Variants in SND1 observed in about 807,000 individuals in gnomAD.
SND1 encodes staphylococcal nuclease domain-containing protein 1.
A neutral mutation model predicts 121.7 loss-of-function variants in SND1; 38 were observed. That is an observed-to-expected ratio of 0.31 (90% CI 0.24 to 0.41). The LOEUF is 0.41. Among genes scored for constraint, SND1 ranks in the 10% least tolerant of loss-of-function variants. The pLI is 1.00. For synonymous variants in SND1, 401 were observed against 447.4 expected, an observed-to-expected ratio of 0.90 and a Z score of 1.31; for missense variants, 868 against 1,184.6, an observed-to-expected ratio of 0.73 and a Z score of 3.92.
At chr7:127,926,720 TTTGTTGTTGTTGTTGTTGTTG>T (rs57562959) in intron 14 of SND1, among the ~76,000 whole-genome samples, 1 of 142,760 alleles carries the variant, frequency 7.0e-6, no homozygotes, top group South Asian at 2.3e-4. Flanking sequence ...ACCCGGCTAT[TTTGTTGTTGTTGTTGTTGTTG>T]TTGTTGTTGT....
intron 9 of SND1, among the ~76,000 whole-genome samples, chr7:127,717,179 C>T (rs1351975378): frequency 3.3e-5 from 5 of 152,120 alleles, no homozygotes; most frequent in East Asian, 3.8e-4. Flanking sequence ...TAATATTTTA[C>T]GGGAGTATTG....
intron 12 of SND1, among the ~76,000 whole-genome samples, chr7:127,848,287 T>C (rs1427354169): frequency 6.6e-6 from 1 of 152,226 alleles, no homozygotes; most frequent in Non-Finnish European, 1.5e-5. Context: ...TGCTTGTATT[T>C]CAATGATATT....
intron 9 of SND1, among the ~76,000 whole-genome samples, chr7:127,708,214 G>T (rs559171090): frequency 5.5e-4 from 83 of 152,216 alleles, no homozygotes; most frequent in African/African-American, 2.0e-3. Flanking sequence ...TTTAAGGTAG[G>T]TTAGGCCAAG....
intron 12 of SND1, among the ~76,000 whole-genome samples, chr7:127,870,312 C>T (rs1159537473): frequency 6.6e-6 from 1 of 152,140 alleles, no homozygotes; most frequent in Admixed American, 6.5e-5. Flanking sequence ...GTTTTATTGA[C>T]ATATTGCTGC....
chr7:128,065,874 G>A (rs1365650757), intron 16 of SND1, among the ~76,000 whole-genome samples: 1 of 152,218 alleles, frequency 6.6e-6, no homozygotes, highest in East Asian at 1.9e-4. Flanking sequence ...TGGCTTGGGA[G>A]ACCTTTGGGA....
In SND1 at chr7:127,694,847, G is replaced by A; in HGVS notation, c.248G>A (p.Arg83Gln). Residue 83 changes from arginine to glutamine, a missense_variant, in exon 3 of 24, where the codon CGA becomes CAA. Around this residue, in one of 2 missense-constraint regions of SND1, gnomAD observed 743 missense variants for 1,071.3 expected, o/e 0.69. Coordinates refer to ENST00000354725, the MANE Select transcript of SND1 (RefSeq NM_014390.4). ...TPDEPWAFPA[R>Q]EFLRKKLIGK... ...TTTCAGCCCTGGGCATTTCCAGCTC[G>A]AGAGTTCCTTCGAAAGAAGCTGATT... The A allele has an allele frequency of 6.2e-7, 1 of 1,614,010 alleles. No homozygotes were observed. The highest frequency in any genetic ancestry group is 8.5e-7 in the Non-Finnish European group (1 of 1,179,928).
Position 128,086,957 on chromosome 7 carries a change from C to T in SND1, c.2324C>T (p.Thr775Ile), listed in dbSNP as rs376458386. 3 of 1,614,028 alleles carry T rather than the reference C, an allele frequency of 1.9e-6. No homozygotes were observed. Among genetic ancestry groups the T allele is most frequent in the Non-Finnish European group, 2.5e-6 (3 of 1,180,006 alleles). Reference protein sequence around the residue: ...DYGNREVLPSTRLGTLSPAFS... With the variant: ...DYGNREVLPSIRLGTLSPAFS... The stretch of plus-strand genomic sequence containing the variant: ...CTGCAGAGAGAGGTCCTGCCATCCA[C>T]CCGCCTGGGTACCCTATCACCTGCC... The change falls in exon 21 of 24, where the codon ACC becomes ATC. Residue 775 changes from threonine (T) to isoleucine (I), a missense_variant. Thr to Ile is a moderately conservative substitution (Grantham distance 89, BLOSUM62 -1). Coordinates refer to ENST00000354725, the MANE Select transcript of SND1 (RefSeq NM_014390.4).
intron 16 of SND1, among the ~76,000 whole-genome samples, chr7:128,067,984 AG>A (rs1793345583): frequency 1.3e-5 from 2 of 152,052 alleles, no homozygotes; most frequent in Non-Finnish European, 2.9e-5. Flanking sequence ...CCTTACCAGA[AG>A]CAGCCTCCAG....
At chr7:127,938,431 T>C (rs970184189) in intron 15 of SND1, among the ~76,000 whole-genome samples, 8 of 152,192 alleles carry the variant, frequency 5.3e-5, no homozygotes, top group Non-Finnish European at 8.8e-5. Context: ...CAAGGAAATA[T>C]GAAAGAGCAG....
intron 10 of SND1, among the ~76,000 whole-genome samples, chr7:127,802,837 A>G (rs1281197613): frequency 6.6e-6 from 1 of 152,040 alleles, no homozygotes; most frequent in Non-Finnish European, 1.5e-5. Flanking sequence ...CCATCTTTAC[A>G]TTTGCTCAGA....
chr7:127,945,423 G>T (rs1004380632), intron 15 of SND1, among the ~76,000 whole-genome samples: 1 of 151,980 alleles, frequency 6.6e-6, no homozygotes, highest in South Asian at 2.1e-4. Flanking sequence ...CCCAGGAGGC[G>T]GAGCTTGCAG....
At chr7:128,000,407 G>A (rs1393592647) in intron 16 of SND1, among the ~76,000 whole-genome samples, 6 of 139,590 alleles carry the variant, frequency 4.3e-5, no homozygotes, top group Admixed American at 3.9e-4. Context: ...TCACTCTGTC[G>A]CCCAGGCTGG....
intron 12 of SND1, among the ~76,000 whole-genome samples, chr7:127,886,077 T>C (rs988621326): frequency 1.3e-5 from 2 of 152,086 alleles, no homozygotes; most frequent in Admixed American, 1.3e-4. Flanking sequence ...TCTGTGATAA[T>C]GACAGCATTT....
In SND1 at chr7:127,704,299, G is replaced by T. The variant is rs558048147; in HGVS notation, c.841-540G>T. 2.0e-5 allele frequency among the ~76,000 whole-genome samples: 3 copies of T among 152,290 alleles called. No individual in the cohort carries two copies. The South Asian group carries it at 6.2e-4, about 32-fold the overall frequency. On this transcript the variant is annotated intron_variant, in intron 7 of 23. Transcript: ENST00000354725. ...GGAAGGTTGAAAGGCTTGGTTTGGG[G>T]TGTGCCAAGGTCATGTCTGTTTCTT...
chr7:127,938,421 C>T (rs1351549288), intron 15 of SND1, among the ~76,000 whole-genome samples: 1 of 152,064 alleles, frequency 6.6e-6, no homozygotes, highest in Non-Finnish European at 1.5e-5. Flanking sequence ...ATAATGTAAA[C>T]AAGGAAATAT....
At chr7:127,791,174 CT>C (rs1797904444) in intron 10 of SND1, among the ~76,000 whole-genome samples, 1 of 120,486 alleles carries the variant, frequency 8.3e-6, no homozygotes, top group Non-Finnish European at 1.6e-5. Context: ...GAGGCAGGGT[CT>C]CACTCTGTCC....
At chr7:127,993,596 G>T (rs1167218845) in intron 16 of SND1, among the ~76,000 whole-genome samples, 1 of 152,264 alleles carries the variant, frequency 6.6e-6, no homozygotes, top group Non-Finnish European at 1.5e-5. Flanking sequence ...AGTTGAACTG[G>T]TTTTTTGTGC....
At chr7:127,859,546 A>G (rs1799341279) in intron 12 of SND1, among the ~76,000 whole-genome samples, 1 of 152,118 alleles carries the variant, frequency 6.6e-6, no homozygotes, top group African/African-American at 2.4e-5. Context: ...CACATTTATG[A>G]TTCTGGGGCC....
chr7:127,924,327 CT>C (rs1800788436), intron 14 of SND1, among the ~76,000 whole-genome samples: 1 of 152,282 alleles, frequency 6.6e-6, no homozygotes, highest in Admixed American at 6.5e-5. Flanking sequence ...ATGATGAGAA[CT>C]AATTCGTGAT....
Sources: allele counts gnomAD v4.1 joint callset (sites outside exome capture counted in the v4.1 genomes callset), GRCh38; gene constraint gnomAD v4.1.1; regional missense constraint gnomAD v4.1.1; transcripts MANE v1.5; gene names NCBI Gene and HGNC (gene_info 2026-07-23, HGNC 2026-07-21).